The following STYX variants were observed in gnomAD, a reference collection of about 807,000 sequenced individuals.
STYX encodes the protein serine/threonine/tyrosine interacting protein, also known as serine/threonine/tyrosine-interacting protein.
Under a neutral mutation model 42.7 loss-of-function variants are expected in STYX, and 20 were observed. The ratio of observed to expected loss-of-function variants is 0.47; its 90% CI spans 0.33 to 0.68. The LOEUF (loss-of-function observed/expected upper bound fraction) is 0.68. Ranked by LOEUF, STYX falls within the 30% of genes least tolerant of loss-of-function variation. STYX has a pLI of 0.02. For synonymous variants in STYX, 78 were observed against 81.9 expected (o/e 0.95, Z 0.26); for missense variants, 226 against 268.5 (o/e 0.84, Z 1.11).
intron 1 of STYX, among the ~76,000 whole-genome samples, chr14:52,739,308 G>A (rs2139884462): frequency 6.6e-6 from 1 of 152,102 alleles, no homozygotes; most frequent in African/African-American, 2.4e-5. Flanking sequence ...TCCTTGATAT[G>A]TGTTGCCCTG....
chr14:52,764,951 G>A lies in STYX; in HGVS notation c.505-3889G>A, dbSNP rs962283843. Among the ~76,000 whole-genome samples, 3 of 152,088 alleles carry A rather than the reference G, an allele frequency of 2.0e-5. No homozygotes were observed. In the East Asian group the frequency reaches 5.8e-4, roughly 29 times the overall value. ...CCCGAAGTGCTGGGATTACGGGCGT[G>A]AGCCACGGCGCCCAGCCCTTAATCC... On this transcript the variant is annotated intron_variant, in intron 9 of 10. Transcript: ENST00000354586.
At chr14:52,732,791 C>T (rs1267999790) in intron 1 of STYX, among the ~76,000 whole-genome samples, 6 of 152,024 alleles carry the variant, frequency 3.9e-5, no homozygotes, top group Admixed American at 3.9e-4. Context: ...CTGCCTCAGC[C>T]GCCTGAGTAG....
chr14:52,741,093 C>A (rs1044846863), intron 1 of STYX, among the ~76,000 whole-genome samples: 2 of 151,848 alleles, frequency 1.3e-5, no homozygotes, highest in African/African-American at 4.8e-5. Flanking sequence ...GACTTTTATC[C>A]CTGAGTACTA....
At chr14:52,742,306 T>C (rs1347299150) in intron 1 of STYX, among the ~76,000 whole-genome samples, 2 of 152,258 alleles carry the variant, frequency 1.3e-5, no homozygotes, top group Non-Finnish European at 1.5e-5. Context: ...TTGGGAGTTC[T>C]AGCTTTTTGG....
At chr14:52,764,537 CTATT>C (rs1882224032) in intron 9 of STYX, among the ~76,000 whole-genome samples, 1 of 151,526 alleles carries the variant, frequency 6.6e-6, no homozygotes, top group Non-Finnish European at 1.5e-5. Flanking sequence ...ACAATCTTAT[CTATT>C]ATTATTTCAT....
At chr14:52,764,165 G>C (rs1882208441) in intron 9 of STYX, among the ~76,000 whole-genome samples, 1 of 152,004 alleles carries the variant, frequency 6.6e-6, no homozygotes, top group Non-Finnish European at 1.5e-5. Flanking sequence ...GCTAATTTTT[G>C]TATTTTTAGT....
intron 1 of STYX, among the ~76,000 whole-genome samples, chr14:52,742,572 G>A (rs1439218030): frequency 6.6e-6 from 1 of 152,158 alleles, no homozygotes; most frequent in African/African-American, 2.4e-5. Context: ...AGTGGTTCAT[G>A]AATCAGGCAG....
chr14:52,762,858 TTTTCTTTC>T lies in STYX; in HGVS notation c.504+3124_504+3131del, dbSNP rs10548917. ...TTTGGTGTATCGGTTTGATTTTTTC[TTTTCTTTC>T]TTTCTTTCTTTCTTTCTTTTTTTTT... On this transcript the variant is annotated intron_variant, in intron 9 of 10. Transcript: ENST00000354586. Among the ~76,000 whole-genome samples, 332 of 81,574 alleles carry T rather than the reference TTTTCTTTC, an allele frequency of 4.1e-3. 3 individuals carry two copies. Among genetic ancestry groups the T allele is most frequent in the African/African-American group, 0.012 (251 of 21,018 alleles). 53.5% of individuals were successfully genotyped at this position (81,574 alleles called of 152,430 possible).
intron 10 of STYX, among the ~76,000 whole-genome samples, chr14:52,770,343 G>A (rs527326436): frequency 2.5e-4 from 38 of 152,144 alleles, no homozygotes; most frequent in African/African-American, 8.9e-4. Flanking sequence ...TAAGTTTAAG[G>A]TCATGCCATT....
chr14:52,764,120 G>A (rs1344735875), intron 9 of STYX, among the ~76,000 whole-genome samples: 1 of 152,074 alleles, frequency 6.6e-6, no homozygotes, highest in Non-Finnish European at 1.5e-5. Context: ...AGCCTCCCAA[G>A]TAGCTGGGAT....
At chr14:52,761,566 GTTTTTTTTT>G (rs539782412) in intron 9 of STYX, among the ~76,000 whole-genome samples, 1 of 100,832 alleles carries the variant, frequency 9.9e-6, no homozygotes, top group Non-Finnish European at 1.9e-5. Context: ...GTAGCCAAAA[GTTTTTTTTT>G]TTTTTTTTTT....
intron 3 of STYX, among the ~76,000 whole-genome samples, chr14:52,748,821 A>G (rs1397775834): frequency 6.6e-6 from 1 of 152,238 alleles, no homozygotes; most frequent in Non-Finnish European, 1.5e-5. Flanking sequence ...GAAGGACTTA[A>G]TGTTGAATTT....
chr14:52,752,882 G>T (rs199945800), intron 4 of STYX, among the ~76,000 whole-genome samples: 6,344 of 50,066 alleles, frequency 0.13, 386 homozygotes, highest in Non-Finnish European at 0.15. Context: ...TGTTGTTGTT[G>T]TTTTTTTTTT....
At chr14:52,740,473 T>G (rs1476577386) in intron 1 of STYX, among the ~76,000 whole-genome samples, 1 of 152,234 alleles carries the variant, frequency 6.6e-6, no homozygotes, top group Non-Finnish European at 1.5e-5. Context: ...AGTATATTGA[T>G]TCAGAGAATG....
intron 5 of STYX, 102 bp downstream of exon 5, chr14:52,756,713 GTT>G (rs1392558227): frequency 2.4e-6 from 1 of 417,568 alleles, no homozygotes; most frequent in African/African-American, 4.3e-5. Flanking sequence ...TGAGACAAGA[GTT>G]TTACTCTTGT....
At position 52,758,039 on chromosome 14, in the gene STYX, A is replaced by G. The variant is rs991727557; in HGVS notation, c.431+115A>G. On this transcript the variant is annotated intron_variant, in intron 8 of 10. Transcript: ENST00000354586. The stretch of plus-strand genomic sequence containing the variant: ...TCCCCTGATTATTTTTCATGTAGTC[A>G]TGTTTGATTAGGCAGGCCCTTATTC... The G allele has an allele frequency of 9.6e-6, 11 of 1,149,978 alleles. No homozygotes were observed. The African/African-American group carries it at 1.4e-4, about 15-fold the overall frequency. 71.2% of individuals were successfully genotyped at this position (1,149,978 alleles called of 1,614,324 possible). A position where few individuals can be genotyped will look rare whatever the true frequency, so the allele number is the denominator to read the frequency against.
At chr14:52,744,800 T>A in intron 1 of STYX, 52 bp from the exon 2 acceptor site, 12 of 1,562,824 alleles carry the variant, frequency 7.7e-6, no homozygotes, top group Non-Finnish European at 9.7e-6. Flanking sequence ...AGCCTTTAAT[T>A]GGGTGACTTT....
Position 52,753,693 on chromosome 14 carries a change from A to G in STYX, c.243-2858A>G, listed in dbSNP as rs191892777. Reference sequence around the variant, plus strand: ...ACAGTGTAAGTGCTGTGTGAATAGTATTGGATTTTATTTTTATTATTTTTA... The same window carrying G: ...ACAGTGTAAGTGCTGTGTGAATAGTGTTGGATTTTATTTTTATTATTTTTA... On this transcript the variant is annotated intron_variant, in intron 4 of 10. Coordinates refer to ENST00000354586, the MANE Select transcript of STYX (RefSeq NM_145251.4). Among the ~76,000 whole-genome samples, 3 of 152,092 alleles carry G rather than the reference A, an allele frequency of 2.0e-5. No individual in the cohort carries two copies. In the East Asian group the frequency reaches 5.8e-4, roughly 29 times the overall value.
At chr14:52,760,031 C>T (rs1882028959) in intron 9 of STYX, among the ~76,000 whole-genome samples, 1 of 151,686 alleles carries the variant, frequency 6.6e-6, no homozygotes, top group South Asian at 2.1e-4. Context: ...GACCCAATCT[C>T]TAAAAAATAA....
Sources: allele counts gnomAD v4.1 joint callset (sites outside exome capture counted in the v4.1 genomes callset), GRCh38; gene constraint gnomAD v4.1.1; transcripts MANE v1.5; gene names NCBI Gene and HGNC (gene_info 2026-07-23, HGNC 2026-07-21).